The following SLC2A14 variants were observed in gnomAD, a reference collection of about 807,000 sequenced individuals.
SLC2A14 encodes the protein solute carrier family 2 member 14.
In SLC2A14, 13 loss-of-function variants were observed where a neutral mutation model predicts 43.0. The ratio of observed to expected loss-of-function variants is 0.30; its 90% CI spans 0.20 to 0.48. The LOEUF is 0.48. SLC2A14 is among the 20% of genes least tolerant of loss of function. The probability of loss-of-function intolerance (pLI) is 0.99; values close to 1 mark genes in which losing one functional copy is unlikely to be tolerated. For synonymous variants in SLC2A14, 190 were observed against 233.8 expected (o/e 0.81, Z 1.71); for missense variants, 428 against 620.4 (o/e 0.69, Z 3.29).
chr12:7,837,904 C>T (rs573836708), intron 2 of SLC2A14, among the ~76,000 whole-genome samples: 90 of 151,970 alleles, frequency 5.9e-4, no homozygotes, highest in Admixed American at 9.8e-4. Context: ...ACTACAGGTG[C>T]ACGCCACCAC....
rs1306825391 is a variant in SLC2A14, at chr12:7,857,690, G to A, written c.18+12173C>T. Among the ~76,000 whole-genome samples, 6 of 152,090 alleles carry A rather than the reference G, an allele frequency of 3.9e-5. No individual in the cohort carries two copies. In the South Asian group the frequency reaches 6.2e-4, roughly 16 times the overall value. On this transcript the variant is annotated intron_variant, in intron 2 of 10. Transcript: ENST00000431042. ...GGATAGAACAGTACCCTATATCTGC[G>A]CTCCCTTTTATTTATTTTTGACAGA... is the stretch of plus-strand genomic sequence containing the variant.
At chr12:7,849,997 A>G (rs1469246983) in intron 2 of SLC2A14, among the ~76,000 whole-genome samples, 2 of 150,886 alleles carry the variant, frequency 1.3e-5, no homozygotes, top group African/African-American at 2.4e-5. Flanking sequence ...AAAAGTTACA[A>G]TGTGGTGCTG....
chr12:7,836,201 A>AT (rs939332239), intron 2 of SLC2A14, among the ~76,000 whole-genome samples: 42 of 150,100 alleles, frequency 2.8e-4, no homozygotes, highest in Non-Finnish European at 5.2e-4. Flanking sequence ...CAATACAAAT[A>AT]TAATGTGAGC....
At chr12:7,815,551 A>C (rs1308781716) in intron 10 of SLC2A14, among the ~76,000 whole-genome samples, 1 of 152,162 alleles carries the variant, frequency 6.6e-6, no homozygotes, top group African/African-American at 2.4e-5. Flanking sequence ...CAGTAATTAC[A>C]GTAGTCCCCA....
chr12:7,855,927 G>A (rs1016288663), intron 2 of SLC2A14, among the ~76,000 whole-genome samples: 12 of 152,084 alleles, frequency 7.9e-5, no homozygotes, highest in Admixed American at 2.6e-4. Flanking sequence ...GAGCCACCGC[G>A]CCTGGCTTAC....
In SLC2A14 at chr12:7,844,830, C is replaced by T. The variant is rs112239520; in HGVS notation, c.19-12016G>A. 1.9e-4 allele frequency among the ~76,000 whole-genome samples: 29 copies of T among 152,190 alleles called. No individual in the cohort carries two copies. In the East Asian group the frequency reaches 4.2e-3, roughly 22 times the overall value. Reference sequence around the variant, plus strand: ...GGATTACAGGTGTGAGCCACCGCACCGGGCTGTAAATCGTAAATTCTAAGC... The same window carrying T: ...GGATTACAGGTGTGAGCCACCGCACTGGGCTGTAAATCGTAAATTCTAAGC... On this transcript the variant is annotated intron_variant, in intron 2 of 10. Transcript: ENST00000431042.
Position 7,884,626 on chromosome 12 carries a change from G to A in SLC2A14, c.132+6370C>T, listed in dbSNP as rs757986930. On this transcript the variant is annotated intron_variant, in intron 1 of 9. Coordinates refer to the SLC2A14 transcript ENST00000539924. ...GATAATAGCATTGTCATAGGTGCTG[G>A]ACTTCTCTCTCAACATCATCATCAC... 1.6e-4 allele frequency among the ~76,000 whole-genome samples: 25 copies of A among 152,104 alleles called. 1 individual carries two copies. The highest frequency in any genetic ancestry group is 2.9e-4 in the Non-Finnish European group (20 of 68,008).
intron 1 of SLC2A14, among the ~76,000 whole-genome samples, chr12:7,888,676 T>G (rs1945725000): frequency 6.6e-6 from 1 of 151,604 alleles, no homozygotes; most frequent in Non-Finnish European, 1.5e-5. Flanking sequence ...TGCATGCCTG[T>G]AGTCTCAGCT....
intron 1 of SLC2A14, among the ~76,000 whole-genome samples, chr12:7,880,867 C>T (rs1037528805): frequency 8.6e-5 from 13 of 151,780 alleles, no homozygotes; most frequent in Non-Finnish European, 1.5e-4. Flanking sequence ...TGGCCAGGCG[C>T]GGTGGCTCAC....
chr12:7,870,582 G>C (rs1456864586), intron 1 of SLC2A14, among the ~76,000 whole-genome samples: 1 of 152,060 alleles, frequency 6.6e-6, no homozygotes, highest in Non-Finnish European at 1.5e-5. Flanking sequence ...AATTAGGACA[G>C]ACTGTCCCTT....
intron 1 of SLC2A14, among the ~76,000 whole-genome samples, chr12:7,889,542 C>G (rs1298719845): frequency 2.1e-5 from 3 of 142,752 alleles, no homozygotes; most frequent in African/African-American, 5.2e-5. Context: ...CTGGTTCCCC[C>G]TTTTTTTTTT....
At chr12:7,866,666 A>T (rs1158976338) in intron 2 of SLC2A14, among the ~76,000 whole-genome samples, 1 of 152,150 alleles carries the variant, frequency 6.6e-6, no homozygotes, top group Non-Finnish European at 1.5e-5. Flanking sequence ...GGGCCCAGCC[A>T]ACTTTCTTTC....
chr12:7,849,178 C>T (rs1866716082), intron 2 of SLC2A14, among the ~76,000 whole-genome samples: 1 of 152,106 alleles, frequency 6.6e-6, no homozygotes, highest in Non-Finnish European at 1.5e-5. Flanking sequence ...ATTTGGACCT[C>T]TCAATCTTCG....
chr12:7,853,065 C>T (rs1255118837), intron 2 of SLC2A14, among the ~76,000 whole-genome samples: 6 of 151,986 alleles, frequency 3.9e-5, no homozygotes, highest in Non-Finnish European at 5.9e-5. Context: ...ATTTGATTTC[C>T]GAATCCAACA....
chr12:7,833,650 G>A (rs756126774), intron 2 of SLC2A14, among the ~76,000 whole-genome samples: 18 of 152,124 alleles, frequency 1.2e-4, no homozygotes, highest in Middle Eastern at 3.4e-3. Context: ...GCATGGTGGG[G>A]TGTGCCTGTA....
chr12:7,825,110 A>G (rs1316251632), intron 7 of SLC2A14, among the ~76,000 whole-genome samples: 2 of 152,090 alleles, frequency 1.3e-5, no homozygotes, highest in Non-Finnish European at 2.9e-5. Flanking sequence ...GGTGATGATT[A>G]TATGTGGAGC....
At chr12:7,815,882 GTTTTT>G (rs139136611) in intron 10 of SLC2A14, among the ~76,000 whole-genome samples, 1 of 147,842 alleles carries the variant, frequency 6.8e-6, no homozygotes, top group Admixed American at 6.8e-5. Flanking sequence ...GGCCAGTTTT[GTTTTT>G]TTTTGTTTTT....
intron 2 of SLC2A14, among the ~76,000 whole-genome samples, chr12:7,858,765 C>G (rs1021250236): frequency 6.6e-6 from 1 of 152,128 alleles, no homozygotes; most frequent in African/African-American, 2.4e-5. Context: ...TCCCAAAGTG[C>G]TGGGATTACA....
At position 7,858,068 on chromosome 12, in the gene SLC2A14, G is replaced by A. The variant is rs116090647; in HGVS notation, c.18+11795C>T. Among the ~76,000 whole-genome samples, 316 of 152,206 alleles carry A rather than the reference G, an allele frequency of 2.1e-3. 3 individuals carry two copies. The highest frequency in any genetic ancestry group is 7.3e-3 in the African/African-American group (304 of 41,516). ...GTACTGTTTGAGCCCAGGAAGTGGA[G>A]GCTGGAATGAGCCGAGATCGTGCCA... is the stretch of plus-strand genomic sequence containing the variant. On this transcript the variant is annotated intron_variant, in intron 2 of 10. Coordinates refer to ENST00000431042, the MANE Select transcript of SLC2A14 (RefSeq NM_001286234.2).
Sources: allele counts gnomAD v4.1 joint callset (sites outside exome capture counted in the v4.1 genomes callset), GRCh38; gene constraint gnomAD v4.1.1; transcripts MANE v1.5; gene names NCBI Gene and HGNC (gene_info 2026-07-23, HGNC 2026-07-21).